SAMD8: variants seen among roughly 807,000 people sequenced by gnomAD.
The protein encoded by SAMD8 is sphingomyelin synthase-related protein 1.
Under a neutral mutation model 42.0 loss-of-function variants are expected in SAMD8, and 20 were observed. That is an observed-to-expected ratio of 0.48 (90% CI 0.34 to 0.69). The LOEUF (loss-of-function observed/expected upper bound fraction) is 0.69. Ranked by LOEUF, SAMD8 falls within the 30% of genes least tolerant of loss-of-function variation. SAMD8 has a pLI of 0.01. For missense variants in SAMD8, 328 were observed against 511.6 expected (o/e 0.64, Z 3.46); for synonymous variants, 162 against 173.0 (o/e 0.94, Z 0.50).
chr10:75,129,794 A>G (rs373033613), intron 1 of SAMD8, among the ~76,000 whole-genome samples: 1 of 152,320 alleles, frequency 6.6e-6, no homozygotes, highest in South Asian at 2.1e-4. Flanking sequence ...ACATCATAGT[A>G]TAGTGGTTAA....
chr10:75,105,964 G>C lies in SAMD8; in HGVS notation c.-16+6236G>C, dbSNP rs567549733. The stretch of plus-strand genomic sequence containing the variant: ...AAGTTCCTTTCCTGACCCTGCCTTG[G>C]GTGCACTCTGTGATCCTGAGCAAGT... On this transcript the variant is annotated intron_variant, in intron 1 of 3. Coordinates refer to the SAMD8 transcript ENST00000447533. 4 of 1,166,518 alleles carry C rather than the reference G, an allele frequency of 3.4e-6. No homozygotes were observed. The East Asian group carries it at 1.0e-4, about 30-fold the overall frequency. The allele number at this position is 1,166,518 out of a possible 1,614,324, so 72.3% of individuals were successfully genotyped here. A position where few individuals can be genotyped will look rare whatever the true frequency, so the allele number is the denominator to read the frequency against.
intron 1 of SAMD8, among the ~76,000 whole-genome samples, chr10:75,147,258 T>C (rs1431370605): frequency 6.6e-6 from 1 of 152,120 alleles, no homozygotes; most frequent in Admixed American, 6.5e-5. Flanking sequence ...TGGTAAGCTG[T>C]TAGAGAAAGG....
intron 2 of SAMD8, among the ~76,000 whole-genome samples, chr10:75,158,395 C>T (rs1840471155): frequency 6.6e-6 from 1 of 152,008 alleles, no homozygotes; most frequent in South Asian, 2.1e-4. Flanking sequence ...AATTCGAGAC[C>T]AGCCTGGCCA....
rs1564699770 is a variant in SAMD8, at chr10:75,179,235, A to G, written c.*2543A>G. On this transcript the variant is annotated 3_prime_UTR_variant, in exon 6 of 6. Transcript: ENST00000542569. Reference sequence around the variant, plus strand: ...GTGATGCATGCCTGTGGTCCCAGCTACATGGGAGGCTGAGGCAGAAGGATC... The same window carrying G: ...GTGATGCATGCCTGTGGTCCCAGCTGCATGGGAGGCTGAGGCAGAAGGATC... 1.3e-5 allele frequency: 2 copies of G among 151,916 alleles called. No homozygotes were observed. The highest frequency in any genetic ancestry group is 2.9e-5 in the Non-Finnish European group (2 of 68,042). The allele number at this position is 151,916 out of a possible 1,614,324, so 9.4% of individuals were successfully genotyped here.
chr10:75,117,388 C>T (rs1030784610), intron 1 of SAMD8, among the ~76,000 whole-genome samples: 8 of 151,374 alleles, frequency 5.3e-5, no homozygotes, highest in Admixed American at 5.3e-4. Flanking sequence ...CGCCACTGCA[C>T]TCCAGCCTGG....
upstream of SAMD8, among the ~76,000 whole-genome samples, chr10:75,108,541 G>A (rs958290495): frequency 5.3e-5 from 8 of 152,106 alleles, no homozygotes; most frequent in East Asian, 7.7e-4. Flanking sequence ...GTCCTCCCAC[G>A]CATATCCGTC....
intron 1 of SAMD8, among the ~76,000 whole-genome samples, chr10:75,126,451 A>G (rs977780409): frequency 1.3e-5 from 2 of 151,874 alleles, no homozygotes; most frequent in Admixed American, 1.3e-4. Flanking sequence ...TAGTATGTGT[A>G]CAGTAAATAT....
chr10:75,103,032 G>A (rs1848274677), intron 1 of SAMD8, among the ~76,000 whole-genome samples: 3 of 152,168 alleles, frequency 2.0e-5, no homozygotes, highest in African/African-American at 7.2e-5. Flanking sequence ...AGAATCACCT[G>A]AGCCCAGGAA....
intron 1 of SAMD8, among the ~76,000 whole-genome samples, chr10:75,120,864 T>C (rs1301685177): frequency 2.2e-5 from 3 of 134,722 alleles, no homozygotes; most frequent in African/African-American, 8.3e-5. Context: ...CACTGCAGCC[T>C]CCGCCTCCCA....
chr10:75,112,161 C>T (rs1001694690), intron 1 of SAMD8, among the ~76,000 whole-genome samples: 3 of 152,222 alleles, frequency 2.0e-5, no homozygotes, highest in Admixed American at 6.5e-5. Flanking sequence ...GCGATCGGGG[C>T]TGGGACTGGA....
At position 75,176,096 on chromosome 10, in the gene SAMD8, C is replaced by T. The variant is rs1241803348; in HGVS notation, c.823C>T (p.Arg275Ter). 1 of 1,613,998 alleles carries T rather than the reference C, an allele frequency of 6.2e-7. No individual in the cohort carries two copies. Among genetic ancestry groups the T allele is most frequent in the Non-Finnish European group, 8.5e-7 (1 of 1,180,010 alleles). The part of the protein sequence containing the change: ...IYGSVWEKLH[R>*]AFAIWSGFGM... The stretch of plus-strand genomic sequence containing the variant: ...TGGCAGTGTATGGGAGAAATTACAT[C>T]GAGCCTTTGCCATTTGGAGTGGCTT... The change falls in exon 5 of 6, where the codon CGA (arginine) becomes TGA (stop). Residue 275 changes from arginine to a stop codon, truncating the protein, a stop_gained. Transcript: ENST00000542569. LOFTEE classifies it high-confidence loss of function. This position sits in a 1 kb window ranked among gnomAD's most constrained non-coding sequence, Gnocchi z 4.3.
intron 1 of SAMD8, among the ~76,000 whole-genome samples, chr10:75,148,906 C>T (rs898102085): frequency 6.6e-6 from 1 of 152,000 alleles, no homozygotes; most frequent in Middle Eastern, 3.2e-3. Flanking sequence ...GTATAGATCA[C>T]AATTATACAG....
intron 1 of SAMD8, among the ~76,000 whole-genome samples, chr10:75,128,455 T>TC (rs1277503297): frequency 6.6e-6 from 1 of 152,120 alleles, no homozygotes; most frequent in East Asian, 1.9e-4. Flanking sequence ...GAAGCAGTCC[T>TC]CCTGAGTTCG....
rs1849328963 is a variant in SAMD8, at chr10:75,133,950, T to A, written c.-15-16564T>A. On this transcript the variant is annotated intron_variant, in intron 1 of 5. Coordinates refer to ENST00000542569, the MANE Select transcript of SAMD8 (RefSeq NM_001174156.2). ...ATTCCGTGGTGTATATGTACCACAT[T>A]TTCTTTATCCAGTCTATCATTGATG... 1.3e-5 allele frequency among the ~76,000 whole-genome samples: 2 copies of A among 152,218 alleles called. 1 individual carries two copies. Among genetic ancestry groups the A allele is most frequent in the Admixed American group, 1.3e-4 (2 of 15,276 alleles).
chr10:75,132,151 C>G (rs1402797831), intron 1 of SAMD8, among the ~76,000 whole-genome samples: 2 of 152,156 alleles, frequency 1.3e-5, no homozygotes, highest in Non-Finnish European at 2.9e-5. Context: ...TGCAAACAAC[C>G]TTTTCTAGAC....
At chr10:75,145,954 C>T (rs1036621387) in intron 1 of SAMD8, among the ~76,000 whole-genome samples, 3 of 152,094 alleles carry the variant, frequency 2.0e-5, no homozygotes, top group Non-Finnish European at 4.4e-5. Context: ...GGTGGTCTTT[C>T]CTTGGTCTTG....
chr10:75,156,036 T>G (rs1025087045), intron 2 of SAMD8, among the ~76,000 whole-genome samples: 6 of 152,052 alleles, frequency 3.9e-5, no homozygotes, highest in Non-Finnish European at 7.4e-5. Context: ...CCTAGTGAGA[T>G]CCAGTCTCTA....
At chr10:75,107,266 C>A (rs982419194), upstream of SAMD8, among the ~76,000 whole-genome samples, 7 of 150,922 alleles carry the variant, frequency 4.6e-5, no homozygotes, top group African/African-American at 1.7e-4. Flanking sequence ...AGCCCAGAGG[C>A]AGAGGTTGAA....
chr10:75,181,929 C>T lies in SAMD8; in HGVS notation c.*5237C>T, dbSNP rs1365914605. 6.6e-6 allele frequency: 1 copy of T among 152,176 alleles called. No individual in the cohort carries two copies. Among genetic ancestry groups the T allele is most frequent in the Non-Finnish European group, 1.5e-5 (1 of 68,032 alleles). 9.4% of individuals were successfully genotyped at this position (152,176 alleles called of 1,614,324 possible). ...TTGTGAATTCTACCTAAATGTCTCTCTATCCACAGAGAAACTAGTATTACT... is the reference window on the plus strand; with the variant it reads ...TTGTGAATTCTACCTAAATGTCTCTTTATCCACAGAGAAACTAGTATTACT... On this transcript the variant is annotated 3_prime_UTR_variant, in exon 6 of 6. Coordinates refer to ENST00000542569, the MANE Select transcript of SAMD8 (RefSeq NM_001174156.2).
Sources: allele counts gnomAD v4.1 joint callset (sites outside exome capture counted in the v4.1 genomes callset), GRCh38; gene constraint gnomAD v4.1.1; non-coding constraint Gnocchi (gnomAD v3.1); transcripts MANE v1.5; gene names NCBI Gene and HGNC (gene_info 2026-07-23, HGNC 2026-07-21).